The following ABCC6 variants were observed in gnomAD, a reference collection of about 807,000 sequenced individuals.
The protein encoded by ABCC6 is ATP binding cassette subfamily C member 6, also known as ATP-binding cassette sub-family C member 6.
A neutral mutation model predicts 169.5 loss-of-function variants in ABCC6; 126 were observed. The ratio of observed to expected loss-of-function variants is 0.74; its 90% confidence interval spans 0.64 to 0.86. The LOEUF is 0.86. Ranked by LOEUF, ABCC6 falls within the 40% of genes least tolerant of loss-of-function variation. The pLI, the probability that ABCC6 is intolerant of heterozygous loss-of-function variation, is 0.00. For synonymous variants in ABCC6, 752 were observed against 814.7 expected (o/e 0.92, Z 1.31); for missense variants, 1,733 against 1,927.2 (o/e 0.90, Z 1.89).
chr16:16,195,887 T>C lies in ABCC6; in HGVS notation c.1338+2134A>G, dbSNP rs572166961. Among the ~76,000 whole-genome samples the C allele has an allele frequency of 4.6e-5, 7 of 152,212 alleles. No individual in the cohort carries two copies. The South Asian group carries it at 1.5e-3, about 32-fold the overall frequency. On this transcript the variant is annotated intron_variant, in intron 10 of 30. Coordinates refer to ENST00000205557, the MANE Select transcript of ABCC6 (RefSeq NM_001171.6). ...GAGCATTCGAGTTTTTTTTGGAATA[T>C]TCAGCAATTACAATCAAAATGCCAT...
intron 22 of ABCC6, among the ~76,000 whole-genome samples, chr16:16,168,302 G>GGCTCATGCCTGTGATC (rs1232942589): frequency 4.1e-4 from 62 of 151,782 alleles, no homozygotes; most frequent in South Asian, 1.3e-3. Context: ...ACCAGCCTGG[G>GGCTCATGCCTGTGATC]CAACACGGCG....
Position 16,188,813 on chromosome 16 carries a change from C to T in ABCC6, c.1779+18G>A, listed in dbSNP as rs773982847. ...ACGCACTCTCCCAGGATGGCTCCAG[C>T]CCTTGCACCCACCTCACCTGGACGA... On this transcript the variant is annotated intron_variant, in intron 13 of 30. Transcript: ENST00000205557. The T allele has an allele frequency of 5.0e-6, 8 of 1,610,796 alleles. No individual in the cohort carries two copies. Among genetic ancestry groups the T allele is most frequent in the Middle Eastern group, 1.7e-4 (1 of 6,012 alleles).
At chr16:16,194,396 C>T (rs889176617) in intron 10 of ABCC6, among the ~76,000 whole-genome samples, 2 of 152,186 alleles carry the variant, frequency 1.3e-5, no homozygotes, top group African/African-American at 4.8e-5. Flanking sequence ...GAAATTCTTC[C>T]GTTTGTCTGA....
chr16:16,221,941 T>A (rs1395833811), intron 1 of ABCC6, 110 bp from the exon 2 acceptor site: 1 of 1,571,182 alleles, frequency 6.4e-7, no homozygotes. Context: ...CACAAAAATG[T>A]ACCAAGTACT....
chr16:16,178,698 AAG>A, intron 18 of ABCC6, 98 bp downstream of exon 18: 1 of 1,375,690 alleles, frequency 7.3e-7, no homozygotes, highest in Non-Finnish European at 1.0e-6. Context: ...AATTGGACTC[AAG>A]TGGAAGGGGG....
Position 16,214,377 on chromosome 16 carries a change from G to GC in ABCC6, c.546dup (p.Leu183AlafsTer13), listed in dbSNP as rs764710238. On this transcript the variant is annotated frameshift_variant, in exon 5 of 31. Coordinates refer to ENST00000205557, the MANE Select transcript of ABCC6 (RefSeq NM_001171.6). LOFTEE classifies it high-confidence loss of function. The stretch of plus-strand genomic sequence containing the variant: ...GGGGGTTGATCCGCCAGGCAGGACA[G>GC]CACAAACTGTGCCACCACCAGAGAC... 6.4e-7 allele frequency: 1 copy of GC among 1,551,170 alleles called. No homozygotes were observed. The highest frequency in any genetic ancestry group is 8.7e-7 in the Non-Finnish European group (1 of 1,146,764).
In ABCC6 at chr16:16,203,509, A is replaced by C. The variant is rs991363068; in HGVS notation, c.899T>G (p.Leu300Arg). 6.2e-7 allele frequency: 1 copy of C among 1,614,000 alleles called. No individual in the cohort carries two copies. The highest frequency in any genetic ancestry group is 8.5e-7 in the Non-Finnish European group (1 of 1,179,870). The change falls in exon 8 of 31, where the codon CTG (leucine) becomes CGG (arginine). Residue 300 changes from leucine (L) to arginine (R), a missense_variant. This residue lies in a region of ABCC6 where 1,601 missense variants were observed against 1,635.5 expected (regional missense o/e 0.98). Transcript: ENST00000205557. ...RQEGSQWRPLLKAIWQVFHST... is the reference protein window; with the variant it reads ...RQEGSQWRPLRKAIWQVFHST... ...ATGGAACACCTGCCAGATGGCCTTC[A>C]GCAGTGGGCGCCACTGGCTCCCTTC...
At chr16:16,210,860 G>A (rs1476780390) in intron 6 of ABCC6, among the ~76,000 whole-genome samples, 2 of 152,156 alleles carry the variant, frequency 1.3e-5, no homozygotes, top group Non-Finnish European at 2.9e-5. Context: ...TTGGGAGGTC[G>A]AGTGGGGTAG....
At chr16:16,213,590 C>T (rs185916652) in intron 5 of ABCC6, among the ~76,000 whole-genome samples, 36 of 138,120 alleles carry the variant, frequency 2.6e-4, no homozygotes, top group Non-Finnish European at 3.7e-4. Flanking sequence ...GGTGGAGTTC[C>T]GCTCTTGTTG....
At chr16:16,156,264 G>A (rs1296676074) in intron 27 of ABCC6, among the ~76,000 whole-genome samples, 2 of 152,200 alleles carry the variant, frequency 1.3e-5, no homozygotes, top group Non-Finnish European at 2.9e-5. Flanking sequence ...ATTAAGGGAA[G>A]CAAGGCAGTG....
At chr16:16,209,449 G>A (rs2048519142) in intron 6 of ABCC6, among the ~76,000 whole-genome samples, 1 of 152,132 alleles carries the variant, frequency 6.6e-6, no homozygotes. Context: ...TTTTACAGAT[G>A]GGGAAGGAAA....
In ABCC6 at chr16:16,149,880, C is replaced by G. The variant is rs148226174; in HGVS notation, c.*253G>C. On this transcript the variant is annotated 3_prime_UTR_variant, in exon 31 of 31. Coordinates refer to ENST00000205557, the MANE Select transcript of ABCC6 (RefSeq NM_001171.6). The stretch of plus-strand genomic sequence containing the variant: ...TCCAGAGTACAGCGGGGCTGAGAGT[C>G]GCTGTTGACATTGGCTGCAGGGTGG... The G allele has an allele frequency of 5.1e-6, 3 of 587,676 alleles. No homozygotes were observed. In the African/African-American group the frequency reaches 5.5e-5, roughly 11 times the overall value. 36.4% of individuals were successfully genotyped at this position (587,676 alleles called of 1,614,324 possible). A position where few individuals can be genotyped will look rare whatever the true frequency, so the allele number is the denominator to read the frequency against.
At chr16:16,151,361 T>C (rs909559205) in intron 29 of ABCC6, among the ~76,000 whole-genome samples, 11 of 152,226 alleles carry the variant, frequency 7.2e-5, no homozygotes, top group Admixed American at 3.3e-4. Context: ...CCGGTAGTTC[T>C]ATTTCTAGTT....
chr16:16,182,402 A>G lies in ABCC6; in HGVS notation c.2247+10T>C. 6.2e-7 allele frequency: 1 copy of G among 1,613,440 alleles called. No homozygotes were observed. The highest frequency in any genetic ancestry group is 8.5e-7 in the Non-Finnish European group (1 of 1,180,012). ...GTCTCCCTGTCCCAAAAAGACCCCC[A>G]AACTCTCACCTGCTCCCCAATTGAA... On this transcript the variant is annotated intron_variant, in intron 17 of 30. Coordinates refer to ENST00000205557, the MANE Select transcript of ABCC6 (RefSeq NM_001171.6).
rs1463471982 is a variant in ABCC6 at position 16,178,976 on chromosome 16, A to G, written c.2248-11T>C. 2 of 1,611,714 alleles carry G rather than the reference A, an allele frequency of 1.2e-6. No homozygotes were observed. Among genetic ancestry groups the G allele is most frequent in the East Asian group, 2.2e-5 (1 of 44,870 alleles). ...GGAGAGATTCATGCCCTGTGGCCAC[A>G]AAAGGAACAGTGGCCTGAGTCAGCA... is the stretch of plus-strand genomic sequence containing the variant. On this transcript the variant is annotated splice_polypyrimidine_tract_variant and intron_variant, in intron 17 of 30. Coordinates refer to ENST00000205557, the MANE Select transcript of ABCC6 (RefSeq NM_001171.6).
Position 16,173,402 on chromosome 16 carries a change from G to A in ABCC6, c.2669C>T (p.Ser890Phe). The A allele has an allele frequency of 6.2e-7, 1 of 1,614,048 alleles. No individual in the cohort carries two copies. The highest frequency in any genetic ancestry group is 8.5e-7 in the Non-Finnish European group (1 of 1,180,016). ...GRRPELRRER[S>F]IKSVPEKDRT... ...GTCCTTCTCAGGGACTGACTTGATG[G>A]ACCTGTCATTTAGAGGAAATGAAGA... Residue 890 changes from serine to phenylalanine, a missense_variant and splice_region_variant, in exon 21 of 31, where the codon TCC becomes TTC. Ser to Phe is a radical substitution (Grantham distance 155, BLOSUM62 -2). Coordinates refer to ENST00000205557, the MANE Select transcript of ABCC6 (RefSeq NM_001171.6).
At chr16:16,201,962 C>T (rs771203109) in intron 9 of ABCC6, 39 bp downstream of exon 9, 11 of 1,613,096 alleles carry the variant, frequency 6.8e-6, no homozygotes, top group Non-Finnish European at 8.5e-6. Context: ...TACTGCTTTT[C>T]CTGGCTGGGA....
intron 17 of ABCC6, among the ~76,000 whole-genome samples, chr16:16,181,150 A>G (rs902886833): frequency 2.6e-5 from 4 of 151,108 alleles, no homozygotes; most frequent in African/African-American, 4.9e-5. Context: ...CTAAAAGTAC[A>G]AAAAAAAATT....
In ABCC6 at chr16:16,185,004, C is replaced by T. The variant is rs775252212; in HGVS notation, c.1898G>A (p.Ser633Asn). ...TTCCTGGGACCAGGCGAAGGTGGCA[C>T]TGTGTATGGTGATGCAATCCTTCCC... is the stretch of plus-strand genomic sequence containing the variant. ...AAGKDCITIH[S>N]ATFAWSQESP... The change falls in exon 15 of 31, where the codon AGT (serine) becomes AAT (asparagine). Residue 633 changes from serine (S) to asparagine (N), a missense_variant. Physicochemically the swap from Ser to Asn is conservative, Grantham distance 46 (BLOSUM62 1). Transcript: ENST00000205557. 4 of 1,613,856 alleles carry T rather than the reference C, an allele frequency of 2.5e-6. No homozygotes were observed. The African/African-American group carries it at 4.0e-5, about 16-fold the overall frequency.
Sources: gnomAD v4.1 joint callset for allele counts (sites outside exome capture counted in the v4.1 genomes callset) on GRCh38, gnomAD v4.1.1 for gene constraint, gnomAD v4.1.1 regional missense constraint, MANE v1.5 for transcripts, NCBI Gene and HGNC (gene_info 2026-07-23, HGNC 2026-07-21) for gene names.